Variants in ANKRD27 observed in about 807,000 individuals in gnomAD.
The protein encoded by ANKRD27 is ankyrin repeat domain 27.
In ANKRD27, 112 loss-of-function variants were observed where a neutral mutation model predicts 129.7. The observed-to-expected ratio is 0.86, with a 90% confidence interval of 0.74 to 1.01. The LOEUF is 1.01. ANKRD27 is among the 50% of genes least tolerant of loss of function. ANKRD27 has a pLI of 0.00. For synonymous variants in ANKRD27, 516 were observed against 511.2 expected, an observed-to-expected ratio of 1.01 and a Z score of -0.13; for missense variants, 1,258 against 1,300.5, an observed-to-expected ratio of 0.97 and a Z score of 0.50.
At chr19:32,663,917 G>T (rs192622878) in intron 1 of ANKRD27, among the ~76,000 whole-genome samples, 1,804 of 149,570 alleles carry the variant, frequency 0.012, 50 homozygotes, top group African/African-American at 0.042. Context: ...TTAGCCGGGC[G>T]TAGTGGCGGG....
At position 32,627,362 on chromosome 19, in the gene ANKRD27, TTTTATTTATTTATTTATTTATTTA is replaced by T. The variant is rs149637042; in HGVS notation, c.1421-559_1421-536del. On this transcript the variant is annotated intron_variant, in intron 15 of 28. Transcript: ENST00000306065. ...TTTTCTATCTTGAATGTGCACTTTA[TTTTATTTATTTATTTATTTATTTA>T]TTTATTTATTTATTTATTTATTTAT... Among the ~76,000 whole-genome samples, 211 of 132,328 alleles carry T rather than the reference TTTTATTTATTTATTTATTTATTTA, an allele frequency of 1.6e-3. 7 individuals are homozygous for T. The highest frequency in any genetic ancestry group is 5.8e-3 in the African/African-American group (195 of 33,434). 86.8% of individuals were successfully genotyped at this position (132,328 alleles called of 152,430 possible). A position where few individuals can be genotyped will look rare whatever the true frequency, so the allele number is the denominator to read the frequency against.
intron 2 of ANKRD27, among the ~76,000 whole-genome samples, chr19:32,651,788 A>AC (rs1967421414): frequency 6.6e-6 from 1 of 152,082 alleles, no homozygotes; most frequent in Non-Finnish European, 1.5e-5. Flanking sequence ...GTCTGGCCCC[A>AC]TTCACTGCAT....
intron 12 of ANKRD27, chr19:32,637,788 C>T (rs1319487891): frequency 6.6e-6 from 1 of 152,460 alleles, no homozygotes; most frequent in East Asian, 1.9e-4. Context: ...CGCTCCTCCC[C>T]ACTCCTGGCA....
chr19:32,644,245 C>T (rs1328232773), intron 5 of ANKRD27, 80 bp downstream of exon 5: 1 of 1,497,580 alleles, frequency 6.7e-7, no homozygotes, highest in Non-Finnish European at 9.1e-7. Context: ...CAGGCAGTTC[C>T]AGAGGAAACT....
chr19:32,600,880 A>G (rs183638394), intron 26 of ANKRD27, among the ~76,000 whole-genome samples: 1 of 148,902 alleles, frequency 6.7e-6, no homozygotes, highest in Admixed American at 6.7e-5. Flanking sequence ...ATTGTAAATT[A>G]AAAAAAAAAG....
At chr19:32,658,691 C>T (rs958443700) in intron 2 of ANKRD27, among the ~76,000 whole-genome samples, 2 of 152,126 alleles carry the variant, frequency 1.3e-5, no homozygotes, top group Admixed American at 6.6e-5. Flanking sequence ...CAGGCGGGGG[C>T]CAGGAGTTCA....
intron 22 of ANKRD27, chr19:32,608,617 A>G (rs7258278): frequency 0.57 from 97,120 of 170,220 alleles, 29,336 homozygotes; most frequent in Non-Finnish European, 0.67. Context: ...ACATACACAC[A>G]CTAAATGAAA....
rs1414802561 is a variant in ANKRD27, at chr19:32,619,296, G to C, written c.1971C>G (p.Ser657Arg). Residue 657 changes from serine (S) to arginine (R), a missense_variant, in exon 20 of 29, where the codon AGC becomes AGG. Coordinates refer to ENST00000306065, the MANE Select transcript of ANKRD27 (RefSeq NM_032139.3). The part of the protein sequence containing the change: ...STSSFSSMSA[S>R]SRQEETKKDY... ...CCTTCTTGGTCTCCTCCTGCCTTGAGCTGGCTGACATGGAGGAGAAGCTGG... is the reference window on the plus strand; with the variant it reads ...CCTTCTTGGTCTCCTCCTGCCTTGACCTGGCTGACATGGAGGAGAAGCTGG... The C allele has an allele frequency of 6.2e-7, 1 of 1,613,768 alleles. No individual in the cohort carries two copies. The highest frequency in any genetic ancestry group is 1.3e-5 in the African/African-American group (1 of 74,904).
At chr19:32,645,915 C>T (rs951514336) in intron 4 of ANKRD27, among the ~76,000 whole-genome samples, 4 of 151,984 alleles carry the variant, frequency 2.6e-5, no homozygotes, top group African/African-American at 7.2e-5. Flanking sequence ...GGATTACAAG[C>T]GTGAGCCACC....
At position 32,626,789 on chromosome 19, in the gene ANKRD27, C is replaced by T. The variant is rs143385599; in HGVS notation, c.1459G>A (p.Ala487Thr). The change falls in exon 16 of 29, where the codon GCC becomes ACC. Residue 487 changes from alanine to threonine, a missense_variant. Physicochemically the swap from Ala to Thr is moderately conservative, Grantham distance 58. Transcript: ENST00000306065. Reference protein sequence around the residue: ...SLIDLLVSKGAMVNATDYHGA... With the variant: ...SLIDLLVSKGTMVNATDYHGA... ...TGGTAGTCTGTGGCATTTACCATGG[C>T]GCCCTTGGAAACCAGGAGGTCGATG... The T allele has an allele frequency of 5.8e-4, 929 of 1,612,054 alleles. 2 individuals carry two copies. The highest frequency in any genetic ancestry group is 7.2e-4 in the Non-Finnish European group (849 of 1,179,180).
intron 12 of ANKRD27, among the ~76,000 whole-genome samples, chr19:32,634,524 C>G (rs1357929253): frequency 6.6e-6 from 1 of 152,188 alleles, no homozygotes; most frequent in African/African-American, 2.4e-5. Context: ...TGGGCTGTGA[C>G]CCTCCCTTTC....
At chr19:32,654,453 T>C (rs1407042539) in intron 2 of ANKRD27, among the ~76,000 whole-genome samples, 1 of 152,214 alleles carries the variant, frequency 6.6e-6, no homozygotes, top group Non-Finnish European at 1.5e-5. Context: ...GATGGCATTT[T>C]CCTGGAGACC....
intron 12 of ANKRD27, chr19:32,637,727 C>T (rs1282658269): frequency 6.6e-6 from 1 of 152,360 alleles, no homozygotes; most frequent in African/African-American, 2.4e-5. Context: ...TCTGCACTCT[C>T]AGGGGCCCAG....
chr19:32,600,134 C>G, intron 26 of ANKRD27, 84 bp from the exon 27 acceptor site: 1 of 1,050,196 alleles, frequency 9.5e-7, no homozygotes, highest in Non-Finnish European at 1.4e-6. Context: ...CACAATCTTT[C>G]TATTCTCAGA....
intron 1 of ANKRD27, chr19:32,673,351 G>C: frequency 2.0e-6 from 2 of 986,258 alleles, no homozygotes; most frequent in Non-Finnish European, 2.4e-6. Flanking sequence ...CCTACGGGCT[G>C]TGCCTCCTGG....
chr19:32,649,325 G>C (rs1458233236), intron 3 of ANKRD27, among the ~76,000 whole-genome samples: 1 of 152,138 alleles, frequency 6.6e-6, no homozygotes, highest in East Asian at 1.9e-4. Flanking sequence ...TCCTATTCGG[G>C]ACCAAGACAC....
chr19:32,658,335 T>C (rs1213838378), intron 2 of ANKRD27, among the ~76,000 whole-genome samples: 2 of 152,222 alleles, frequency 1.3e-5, no homozygotes, highest in Non-Finnish European at 2.9e-5. Flanking sequence ...TCCAGGCAGA[T>C]GCCCCCACCA....
chr19:32,643,676 G>A, intron 5 of ANKRD27, 45 bp from the exon 6 acceptor site: 1 of 1,603,106 alleles, frequency 6.2e-7, no homozygotes, highest in African/African-American at 1.3e-5. Context: ...TACCAGCAAG[G>A]CCATGACGGG....
At chr19:32,622,650 A>G (rs775540865) in intron 17 of ANKRD27, 31 bp from the exon 18 acceptor site, 7 of 1,609,338 alleles carry the variant, frequency 4.3e-6, no homozygotes, top group South Asian at 3.3e-5. Flanking sequence ...GGCATCGCTC[A>G]TGGATGTACC....
Sources: allele counts gnomAD v4.1 joint callset (sites outside exome capture counted in the v4.1 genomes callset), GRCh38; gene constraint gnomAD v4.1.1; transcripts MANE v1.5; gene names NCBI Gene and HGNC (gene_info 2026-07-23, HGNC 2026-07-21).